Variants in SLC5A6 observed in about 807,000 individuals in gnomAD.
SLC5A6 encodes sodium-dependent multivitamin transporter.
Under a neutral mutation model 67.9 loss-of-function variants are expected in SLC5A6, and 31 were observed. The observed-to-expected ratio is 0.46, with a 90% confidence interval of 0.34 to 0.62. The LOEUF is 0.62. Among genes scored for constraint, SLC5A6 ranks in the 20% least tolerant of loss-of-function variants. The pLI is 0.01. For missense variants in SLC5A6, 673 were observed against 812.8 expected (o/e 0.83, Z 2.09); for synonymous variants, 343 against 331.0 (o/e 1.04, Z -0.39).
intron 12 of SLC5A6, 133 bp downstream of exon 12, chr2:27,202,680 C>T (rs896069344): frequency 1.0e-4 from 82 of 803,468 alleles, no homozygotes; most frequent in East Asian, 3.0e-4. Flanking sequence ...ACAGTAAAGA[C>T]GGTCCATCAA....
chr2:27,208,911 C>T (rs766135368), intron 2 of SLC5A6, among the ~76,000 whole-genome samples: 5 of 152,106 alleles, frequency 3.3e-5, no homozygotes, highest in African/African-American at 9.7e-5. Flanking sequence ...GCACTCTGTG[C>T]GGGAGGGAGT....
intron 12 of SLC5A6, 102 bp downstream of exon 12, chr2:27,202,711 C>T: frequency 2.0e-6 from 2 of 1,002,644 alleles, no homozygotes; most frequent in South Asian, 1.3e-5. Context: ...CTTACGCCTG[C>T]CCCCCGGTCA....
chr2:27,212,132 C>T lies in SLC5A6; in HGVS notation c.-320G>A. The T allele has an allele frequency of 1.3e-6, 2 of 1,506,038 alleles. No homozygotes were observed. Among genetic ancestry groups the T allele is most frequent in the Non-Finnish European group, 1.8e-6 (2 of 1,132,134 alleles). 93.3% of individuals were successfully genotyped at this position (1,506,038 alleles called of 1,614,324 possible). Reference sequence around the variant, plus strand: ...TCGGCTCCGGGAAGCCGCGCGGCGACGGGGGAGGCCTTCACTAAAGGGGAA... The same window carrying T: ...TCGGCTCCGGGAAGCCGCGCGGCGATGGGGGAGGCCTTCACTAAAGGGGAA... On this transcript the variant is annotated 5_prime_UTR_variant, in exon 1 of 17. Transcript: ENST00000310574.
chr2:27,202,984 T>A, intron 11 of SLC5A6, 104 bp from the exon 12 acceptor site: 5 of 1,560,726 alleles, frequency 3.2e-6, no homozygotes, highest in Non-Finnish European at 4.3e-6. Context: ...TCTGTCTCTC[T>A]GGAAACAAAA....
intron 5 of SLC5A6, 66 bp from the exon 6 acceptor site, chr2:27,206,159 G>C: frequency 7.5e-7 from 1 of 1,326,646 alleles, no homozygotes; most frequent in Admixed American, 1.7e-5. Flanking sequence ...GCCCTGGTAG[G>C]GCAATCACGT....
intron 10 of SLC5A6, among the ~76,000 whole-genome samples, 165 bp from the exon 11 acceptor site, chr2:27,203,510 GAC>G (rs773947683): frequency 6.1e-4 from 92 of 151,966 alleles, no homozygotes; most frequent in Admixed American, 2.0e-3. Context: ...GGAAGGCAAG[GAC>G]ACAGTCCTTT....
At chr2:27,204,681 C>A (rs774713120) in intron 8 of SLC5A6, 91 bp from the exon 9 acceptor site, 66 of 1,598,942 alleles carry the variant, frequency 4.1e-5, no homozygotes, top group Non-Finnish European at 5.1e-5. Flanking sequence ...GACCCACATC[C>A]TGACCACAGT....
Position 27,207,158 on chromosome 2 carries a change from G to A in SLC5A6, c.393+100C>T, listed in dbSNP as rs1482017901. 3 of 1,269,198 alleles carry A rather than the reference G, an allele frequency of 2.4e-6. No homozygotes were observed. The highest frequency in any genetic ancestry group is 3.4e-6 in the Non-Finnish European group (3 of 890,850). The allele number at this position is 1,269,198 out of a possible 1,614,324, so 78.6% of individuals were successfully genotyped here. A position where few individuals can be genotyped will look rare whatever the true frequency, so the allele number is the denominator to read the frequency against. On this transcript the variant is annotated intron_variant, in intron 3 of 16. Transcript: ENST00000310574. This position sits in a 1 kb window ranked among gnomAD's most constrained non-coding sequence, Gnocchi z 5.5. Reference sequence around the variant, plus strand: ...AATGAGTTTTCTGTCCCTCTCATTAGGTGGAGGAGGTCTAGGGTCCCAGGT... The same window carrying A: ...AATGAGTTTTCTGTCCCTCTCATTAAGTGGAGGAGGTCTAGGGTCCCAGGT...
chr2:27,212,216 G>A lies in SLC5A6; in HGVS notation c.-404C>T. 6.4e-7 allele frequency: 1 copy of A among 1,558,534 alleles called. No individual in the cohort carries two copies. Among genetic ancestry groups the A allele is most frequent in the South Asian group, 1.2e-5 (1 of 84,690 alleles). The stretch of plus-strand genomic sequence containing the variant: ...AGGGCTAGGGCGCATGAAGACCAGC[G>A]CAGAGCTCCACGAGCAGGAAAAGCC... On this transcript the variant is annotated 5_prime_UTR_variant, in exon 1 of 17. Coordinates refer to ENST00000310574, the MANE Select transcript of SLC5A6 (RefSeq NM_021095.4).
In SLC5A6 at chr2:27,203,082, G is replaced by C. The variant is rs577938474; in HGVS notation, c.1207+151C>G. On this transcript the variant is annotated intron_variant, in intron 11 of 16. Coordinates refer to ENST00000310574, the MANE Select transcript of SLC5A6 (RefSeq NM_021095.4). ...CCTCCCTAGGACATGCCCTGAGATG[G>C]AAACAACCATGCATGCAGGGAAGGT... is the stretch of plus-strand genomic sequence containing the variant. 6 of 1,497,332 alleles carry C rather than the reference G, an allele frequency of 4.0e-6. No homozygotes were observed. The Admixed American group carries it at 1.2e-4, about 31-fold the overall frequency. 92.8% of individuals were successfully genotyped at this position (1,497,332 alleles called of 1,614,324 possible). A position where few individuals can be genotyped will look rare whatever the true frequency, so the allele number is the denominator to read the frequency against.
intron 5 of SLC5A6, 79 bp downstream of exon 5, chr2:27,206,404 A>T (rs1188084577): frequency 8.2e-6 from 11 of 1,334,574 alleles, no homozygotes; most frequent in Middle Eastern, 1.8e-4. Context: ...TTTTCCACAT[A>T]CGCTCCTCCA....
At chr2:27,205,235 G>C (rs999811374) in intron 7 of SLC5A6, 115 bp downstream of exon 7, 16 of 1,068,604 alleles carry the variant, frequency 1.5e-5, no homozygotes, top group Non-Finnish European at 2.2e-5. Flanking sequence ...ACTGTCTGCT[G>C]TTACACCTCA....
At chr2:27,212,339 G>A (rs1195765924), upstream of SLC5A6, 1 of 1,549,414 alleles carries the variant, frequency 6.5e-7, no homozygotes, top group East Asian at 2.4e-5. Flanking sequence ...GCCGGGTCGC[G>A]CGAGCAGCGG....
At chr2:27,203,405 T>C in intron 10 of SLC5A6, 60 bp from the exon 11 acceptor site, 1 of 1,426,002 alleles carries the variant, frequency 7.0e-7, no homozygotes, top group Non-Finnish European at 9.8e-7. Context: ...TCTATGGGAC[T>C]CTATGGAGGA....
intron 15 of SLC5A6, 98 bp downstream of exon 15, chr2:27,201,252 C>T: frequency 1.0e-6 from 1 of 994,002 alleles, no homozygotes; most frequent in South Asian, 1.4e-5. Flanking sequence ...CTACGGACAC[C>T]CAAGAGCTCA....
Position 27,212,036 on chromosome 2 carries a change from G to T in SLC5A6, c.-224C>A, listed in dbSNP as rs534208208. 1 of 863,500 alleles carries T rather than the reference G, an allele frequency of 1.2e-6. No homozygotes were observed. The highest frequency in any genetic ancestry group is 1.7e-6 in the Non-Finnish European group (1 of 586,062). 53.5% of individuals were successfully genotyped at this position (863,500 alleles called of 1,614,324 possible). A position where few individuals can be genotyped will look rare whatever the true frequency, so the allele number is the denominator to read the frequency against. On this transcript the variant is annotated 5_prime_UTR_variant, in exon 1 of 17. Coordinates refer to ENST00000310574, the MANE Select transcript of SLC5A6 (RefSeq NM_021095.4). ...CATGTTTACTGAGGGCGGATGGAGG[G>T]GCCCGAGTTTCTGCGAAGCCGCGAC...
upstream of SLC5A6, chr2:27,212,342 A>G (rs1019627140): frequency 6.5e-7 from 1 of 1,549,394 alleles, no homozygotes; most frequent in African/African-American, 1.4e-5. Flanking sequence ...GGGTCGCGCG[A>G]GCAGCGGAGC....
intron 8 of SLC5A6, 47 bp downstream of exon 8, chr2:27,204,744 C>G (rs200510620): frequency 3.1e-6 from 5 of 1,609,908 alleles, no homozygotes; most frequent in Non-Finnish European, 4.3e-6. Flanking sequence ...TCTGGGGAAC[C>G]CCTTCCCCTA....
chr2:27,210,717 C>T (rs1248775829), intron 2 of SLC5A6, among the ~76,000 whole-genome samples: 1 of 151,780 alleles, frequency 6.6e-6, no homozygotes, highest in Non-Finnish European at 1.5e-5. Context: ...GCCTGGCCAC[C>T]GCGCCAGGCC....
Sources: gnomAD v4.1 joint callset for allele counts (sites outside exome capture counted in the v4.1 genomes callset) on GRCh38, gnomAD v4.1.1 for gene constraint, Gnocchi (gnomAD v3.1) non-coding constraint, MANE v1.5 for transcripts, NCBI Gene and HGNC (gene_info 2026-07-23, HGNC 2026-07-21) for gene names.